Variants in EML6 observed in about 807,000 individuals in gnomAD.
EML6 encodes echinoderm microtubule-associated protein-like 6.
In EML6, 154 loss-of-function variants were observed where a neutral mutation model predicts 240.1. The observed-to-expected ratio is 0.64, with a 90% CI of 0.56 to 0.73. The LOEUF (loss-of-function observed/expected upper bound fraction) is 0.73. EML6 is among the 30% of genes least tolerant of loss of function. The probability of loss-of-function intolerance (pLI) is 0.00; values close to 1 mark genes in which losing one functional copy is unlikely to be tolerated. For missense variants in EML6, 2,964 were observed against 2,474.6 expected (o/e 1.20, Z -4.20); for synonymous variants, 1,148 against 899.0 (o/e 1.28, Z -4.95).
At chr2:54,929,205 G>C (rs1347624460) in intron 28 of EML6, among the ~76,000 whole-genome samples, 1 of 152,152 alleles carries the variant, frequency 6.6e-6, no homozygotes, top group Non-Finnish European at 1.5e-5. Flanking sequence ...CATTCACTTG[G>C]TGTATCTTCT....
chr2:54,968,342 G>A lies in EML6; in HGVS notation c.5751+61G>A, dbSNP rs181172035. On this transcript the variant is annotated intron_variant, in intron 40 of 41. Transcript: ENST00000356458. The stretch of plus-strand genomic sequence containing the variant: ...TCTGTTTGGCCGTCTGCAGGAGATA[G>A]GGGCCACGTCTAGATGGCCCTCTGG... The A allele has an allele frequency of 3.0e-4, 445 of 1,481,968 alleles. 1 individual carries two copies. The African/African-American group carries it at 5.7e-3, about 19-fold the overall frequency. The allele number at this position is 1,481,968 out of a possible 1,614,324, so 91.8% of individuals were successfully genotyped here. A position where few individuals can be genotyped will look rare whatever the true frequency, so the allele number is the denominator to read the frequency against.
Position 54,859,666 on chromosome 2 carries a change from G to A in EML6, c.1790G>A (p.Gly597Asp), listed in dbSNP as rs1425225007. ...TTCCAGTGGAGGTTTATTCCAGAAG[G>A]TGTCAGCAACGGCATGCTGGAAACT... Reference protein sequence around the residue: ...SVFQWRFIPEGVSNGMLETAP... With the variant: ...SVFQWRFIPEDVSNGMLETAP... Residue 597 changes from glycine to aspartate, a missense_variant, in exon 12 of 42, where the codon GGT becomes GAT. Transcript: ENST00000356458. 1.3e-6 allele frequency: 2 copies of A among 1,548,930 alleles called. No homozygotes were observed.
intron 2 of EML6, among the ~76,000 whole-genome samples, chr2:54,806,024 A>G (rs1334825814): frequency 2.0e-5 from 3 of 152,144 alleles, no homozygotes; most frequent in Non-Finnish European, 4.4e-5. Context: ...CCTTATAGCA[A>G]TATTCTGTCT....
intron 28 of EML6, among the ~76,000 whole-genome samples, chr2:54,934,243 A>G (rs942110448): frequency 2.6e-5 from 4 of 152,200 alleles, no homozygotes; most frequent in Non-Finnish European, 4.4e-5. Flanking sequence ...TTAAAAGTAC[A>G]GCTCTCCAAG....
In EML6 at chr2:54,928,323, C is replaced by T; in HGVS notation, c.3686C>T (p.Ala1229Val). The change falls in exon 27 of 42, where the codon GCA becomes GTA. Residue 1229 changes from alanine to valine, a missense_variant. By Grantham distance (64) the Ala-to-Val change is moderately conservative. Transcript: ENST00000356458. ...TTTCGGGCTTTACAGGGACAGCACG[C>T]AAGATTCAAGAAGTATGTGGGGCAC... ...LFSYPVKGQHARFKKYVGHSA... is the reference protein window; with the variant it reads ...LFSYPVKGQHVRFKKYVGHSA... The T allele has an allele frequency of 2.6e-6, 4 of 1,551,762 alleles. No individual in the cohort carries two copies. The highest frequency in any genetic ancestry group is 3.5e-6 in the Non-Finnish European group (4 of 1,147,020).
chr2:54,886,160 C>CTTTTTTTTTTTTTTTT (rs869107962), intron 17 of EML6, among the ~76,000 whole-genome samples: 10 of 82,216 alleles, frequency 1.2e-4, no homozygotes, highest in Non-Finnish European at 1.9e-4. Context: ...TTTTAACCTT[C>CTTTTTTTTTTTTTTTT]TTTTTTTTTT....
chr2:54,811,767 T>G lies in EML6; in HGVS notation c.198-1465T>G, dbSNP rs1667859575. Among the ~76,000 whole-genome samples, 3 of 152,200 alleles carry G rather than the reference T, an allele frequency of 2.0e-5. 1 individual carries two copies. The South Asian group carries it at 6.2e-4, about 32-fold the overall frequency. On this transcript the variant is annotated intron_variant, in intron 2 of 41. Coordinates refer to ENST00000356458, the MANE Select transcript of EML6 (RefSeq NM_001039753.4). ...CTTGCAGTTTTCTGGGACATCTAGG[T>G]ACTTTGAAATACCAGGTGTGTCTCA...
intron 9 of EML6, 115 bp downstream of exon 9, chr2:54,847,738 A>AAG: frequency 1.8e-6 from 2 of 1,121,512 alleles, no homozygotes; most frequent in Non-Finnish European, 1.3e-6. Flanking sequence ...CCATTCAAAT[A>AAG]GGAATACTAT....
At chr2:54,770,669 C>T (rs1487195254) in intron 2 of EML6, among the ~76,000 whole-genome samples, 3 of 152,156 alleles carry the variant, frequency 2.0e-5, no homozygotes, top group Non-Finnish European at 2.9e-5. Flanking sequence ...TTTGTTTATG[C>T]CATTTATGAC....
At chr2:54,772,218 T>C (rs1668431434) in intron 2 of EML6, among the ~76,000 whole-genome samples, 1 of 152,232 alleles carries the variant, frequency 6.6e-6, no homozygotes, top group African/African-American at 2.4e-5. Context: ...TTCATGATTC[T>C]TGTGATGAAA....
intron 11 of EML6, among the ~76,000 whole-genome samples, chr2:54,856,216 C>G (rs1032740922): frequency 2.0e-5 from 3 of 152,204 alleles, no homozygotes; most frequent in Non-Finnish European, 4.4e-5. Context: ...ATACTGACAG[C>G]TTTCCCTGAT....
chr2:54,907,021 G>A (rs1467643375), intron 24 of EML6, among the ~76,000 whole-genome samples: 1 of 152,194 alleles, frequency 6.6e-6, no homozygotes, highest in African/African-American at 2.4e-5. Flanking sequence ...TGTGCCCATG[G>A]CAACTACAGG....
intron 28 of EML6, among the ~76,000 whole-genome samples, chr2:54,939,097 C>G (rs777056342): frequency 6.6e-6 from 1 of 152,228 alleles, no homozygotes; most frequent in Non-Finnish European, 1.5e-5. Flanking sequence ...TCCTTAACAA[C>G]AAGATTTAGA....
chr2:54,903,423 C>T lies in EML6; in HGVS notation c.3330C>T (p.Tyr1110=), dbSNP rs1673163769. ...CCCATGATAACTTTGTGGATATTTA[C>T]AACGTACTTACAAGCAAAAGGGTTG... ...VASHDNFVDI[Y]NVLTSKRVGI... The change falls in exon 24 of 42, where the codon TAC becomes TAT. Residue 1110 remains tyrosine (Y), a synonymous_variant. Coordinates refer to ENST00000356458, the MANE Select transcript of EML6 (RefSeq NM_001039753.4). The T allele has an allele frequency of 1.0e-5, 16 of 1,551,764 alleles. No homozygotes were observed. The highest frequency in any genetic ancestry group is 1.3e-5 in the Non-Finnish European group (15 of 1,146,924).
At chr2:54,739,189 A>T (rs995562309) in intron 2 of EML6, among the ~76,000 whole-genome samples, 1 of 152,242 alleles carries the variant, frequency 6.6e-6, no homozygotes, top group Non-Finnish European at 1.5e-5. Flanking sequence ...TATATGTTAT[A>T]TGTGCTTCTT....
chr2:54,817,010 A>G, intron 4 of EML6, 125 bp downstream of exon 4: 2 of 618,910 alleles, frequency 3.2e-6, no homozygotes, highest in Non-Finnish European at 5.8e-6. Flanking sequence ...TATTAAACTT[A>G]TAATCATCCT....
chr2:54,892,692 A>G (rs1055782469), intron 19 of EML6, 36 bp downstream of exon 19: 3 of 1,501,662 alleles, frequency 2.0e-6, no homozygotes, highest in African/African-American at 2.8e-5. Context: ...TTTCCTCATC[A>G]GCCTTCTAAA....
At chr2:54,909,119 C>G (rs1573121372) in intron 24 of EML6, among the ~76,000 whole-genome samples, 2 of 152,126 alleles carry the variant, frequency 1.3e-5, no homozygotes, top group East Asian at 3.8e-4. Flanking sequence ...GATTACAGTC[C>G]TCTGAATTAT....
intron 13 of EML6, among the ~76,000 whole-genome samples, chr2:54,864,146 C>T (rs1670837714): frequency 6.6e-6 from 1 of 152,162 alleles, no homozygotes. Context: ...TTTTGCCTCC[C>T]TAGCACCTAA....
Sources: allele counts gnomAD v4.1 joint callset (sites outside exome capture counted in the v4.1 genomes callset), GRCh38; gene constraint gnomAD v4.1.1; transcripts MANE v1.5; gene names NCBI Gene and HGNC (gene_info 2026-07-23, HGNC 2026-07-21).